Variants in IL23R observed in about 807,000 individuals in gnomAD.
IL23R encodes interleukin-23 receptor.
A neutral mutation model predicts 56.9 loss-of-function variants in IL23R; 34 were observed. The ratio of observed to expected loss-of-function variants is 0.60; its 90% CI spans 0.45 to 0.80. IL23R has a LOEUF of 0.80. IL23R is among the 30% of genes least tolerant of loss of function. The pLI is 0.00. For missense variants in IL23R, 635 were observed against 730.0 expected (o/e 0.87, Z 1.50); for synonymous variants, 230 against 249.2 (o/e 0.92, Z 0.73).
At chr1:67,239,822 T>C (rs1212991854) in intron 8 of IL23R, among the ~76,000 whole-genome samples, 1 of 152,168 alleles carries the variant, frequency 6.6e-6, no homozygotes, top group Non-Finnish European at 1.5e-5. Context: ...CTTTAGACAT[T>C]GTTACAGCAA....
intron 1 of IL23R, among the ~76,000 whole-genome samples, chr1:67,147,036 A>G (rs887259044): frequency 3.3e-5 from 5 of 152,144 alleles, no homozygotes; most frequent in African/African-American, 1.2e-4. Context: ...CCAAGACAGA[A>G]CATTCAGAGT....
chr1:67,218,547 C>T (rs1650025603), intron 6 of IL23R, among the ~76,000 whole-genome samples: 1 of 151,864 alleles, frequency 6.6e-6, no homozygotes, highest in Admixed American at 6.6e-5. Flanking sequence ...GGAATTCAGA[C>T]AATTGCTATC....
chr1:67,265,808 A>C, the IL23R span, among the ~76,000 whole-genome samples: 1 of 152,238 alleles, frequency 6.6e-6, no homozygotes, highest in Admixed American at 6.5e-5. Flanking sequence ...TGGGAAGCTG[A>C]AGTAGGAGGA....
intron 3 of IL23R, among the ~76,000 whole-genome samples, chr1:67,181,771 T>A (rs1647146606): frequency 6.6e-6 from 1 of 152,146 alleles, no homozygotes; most frequent in African/African-American, 2.4e-5. Context: ...GTTTTATCTA[T>A]CTTTGGTCTT....
Position 67,259,814 on chromosome 1 carries a change from A to T in IL23R, c.*686A>T, listed in dbSNP as rs181889805. The T allele has an allele frequency of 3.9e-5, 6 of 152,198 alleles. No individual in the cohort carries two copies. The highest frequency in any genetic ancestry group is 2.6e-4 in the Admixed American group (4 of 15,260). 9.4% of individuals were successfully genotyped at this position (152,198 alleles called of 1,614,324 possible). ...CCCTGTCTCTACTAAAATTACAAAA[A>T]TTAGCCGGCCATGGTGGCAGGTGCT... On this transcript the variant is annotated 3_prime_UTR_variant, in exon 11 of 11. Transcript: ENST00000347310.
chr1:67,217,851 G>A (rs1359478584), intron 6 of IL23R, among the ~76,000 whole-genome samples: 1 of 151,572 alleles, frequency 6.6e-6, no homozygotes, highest in South Asian at 2.1e-4. Flanking sequence ...TTAATGTTAA[G>A]GTTGGGTTTT....
At position 67,206,884 on chromosome 1, in the gene IL23R, CTTTTTTTT is replaced by C; in HGVS notation, c.653-12_653-5del. On this transcript the variant is annotated intron_variant, in intron 5 of 10. Transcript: ENST00000347310. Reference sequence around the variant, plus strand: ...CTAGGCAAGTTTTAAACAGCCAGGTCTTTTTTTTTTTTTTTTTTTTTCTAGTGATACCT... The same window carrying C: ...CTAGGCAAGTTTTAAACAGCCAGGTCTTTTTTTTTTTTTCTAGTGATACCT... 10 of 1,188,914 alleles carry C rather than the reference CTTTTTTTT, an allele frequency of 8.4e-6. No individual in the cohort carries two copies. In the South Asian group the frequency reaches 1.0e-4, roughly 12 times the overall value. The allele number at this position is 1,188,914 out of a possible 1,614,324, so 73.6% of individuals were successfully genotyped here.
At chr1:67,262,657 A>G (rs1653229167), downstream of IL23R, among the ~76,000 whole-genome samples, 1 of 152,188 alleles carries the variant, frequency 6.6e-6, no homozygotes, top group African/African-American at 2.4e-5. Flanking sequence ...AATTTTCTGC[A>G]GATTCTGAGG....
Position 67,228,157 on chromosome 1 carries a change from T to TCCTTCCTTCCTG in IL23R, c.955+8438_955+8439insGCCTTCCTTCCT, listed in dbSNP as rs769140598. ...CTTTCTTTCTGTCTTTCTTTTTCCTTCCTTCCTTCCTTCCTTCCTTCCTTC... is the reference window on the plus strand; with the variant it reads ...CTTTCTTTCTGTCTTTCTTTTTCCTTCCTTCCTTCCTGCCTTCCTTCCTTCCTTCCTTCCTTC... On this transcript the variant is annotated intron_variant, in intron 7 of 10. Coordinates refer to ENST00000347310, the MANE Select transcript of IL23R (RefSeq NM_144701.3). Among the ~76,000 whole-genome samples the TCCTTCCTTCCTG allele has an allele frequency of 5.0e-3, 447 of 89,570 alleles. 20 individuals are homozygous for TCCTTCCTTCCTG. Among genetic ancestry groups the TCCTTCCTTCCTG allele is most frequent in the Non-Finnish European group, 8.5e-3 (364 of 42,762 alleles). 58.8% of individuals were successfully genotyped at this position (89,570 alleles called of 152,430 possible). A position where few individuals can be genotyped will look rare whatever the true frequency, so the allele number is the denominator to read the frequency against.
Position 67,206,996 on chromosome 1 carries a change from A to G in IL23R, c.739A>G (p.Thr247Ala). Reference protein sequence around the residue: ...KTIIYWDSQTTIEKVSCEMRY... With the variant: ...KTIIYWDSQTAIEKVSCEMRY... ...CATAATTTATTGGGATAGTCAAACA[A>G]CAATTGAAAAGGTTTCCTGTGAAAT... Residue 247 changes from threonine (T) to alanine (A), a missense_variant, in exon 6 of 11, where the codon ACA becomes GCA. By Grantham distance (58) the Thr-to-Ala change is moderately conservative (BLOSUM62 0). Transcript: ENST00000347310. 2 of 1,613,872 alleles carry G rather than the reference A, an allele frequency of 1.2e-6. No homozygotes were observed. Among genetic ancestry groups the G allele is most frequent in the East Asian group, 2.2e-5 (1 of 44,848 alleles).
In IL23R at chr1:67,218,350, G is replaced by GTATA. The variant is rs1224249825; in HGVS notation, c.799-1223_799-1222insATAT. 4.3e-3 allele frequency among the ~76,000 whole-genome samples: 595 copies of GTATA among 137,280 alleles called. 5 individuals carry two copies. The highest frequency in any genetic ancestry group is 0.016 in the African/African-American group (552 of 34,128). 90.1% of individuals were successfully genotyped at this position (137,280 alleles called of 152,430 possible). A position where few individuals can be genotyped will look rare whatever the true frequency, so the allele number is the denominator to read the frequency against. On this transcript the variant is annotated intron_variant, in intron 6 of 10. Transcript: ENST00000347310. ...TATGTGTGTGTGTGTGTGTGTGTGTGTGTGTGTGTATATATATATATATGT... is the reference window on the plus strand; with the variant it reads ...TATGTGTGTGTGTGTGTGTGTGTGTGTATATGTGTGTGTATATATATATATATGT...
At chr1:67,139,648 C>G (rs1041516475) in intron 1 of IL23R, among the ~76,000 whole-genome samples, 5 of 152,180 alleles carry the variant, frequency 3.3e-5, no homozygotes, top group Non-Finnish European at 7.3e-5. Flanking sequence ...TATTTGTCCC[C>G]TCCGAAAGTC....
At chr1:67,177,861 T>G (rs2102570632) in intron 3 of IL23R, among the ~76,000 whole-genome samples, 1 of 151,240 alleles carries the variant, frequency 6.6e-6, no homozygotes, top group South Asian at 2.1e-4. Flanking sequence ...CCAACACAAT[T>G]TATTAAATAG....
At chr1:67,204,245 A>G (rs1174897695) in intron 5 of IL23R, among the ~76,000 whole-genome samples, 1 of 152,050 alleles carries the variant, frequency 6.6e-6, no homozygotes, top group African/African-American at 2.4e-5. Flanking sequence ...TTGTATTTTT[A>G]GTAGAGATGG....
chr1:67,200,723 T>C lies in IL23R; in HGVS notation c.492-14T>C, dbSNP rs1330462317. On this transcript the variant is annotated splice_polypyrimidine_tract_variant and intron_variant, in intron 4 of 10. Coordinates refer to ENST00000347310, the MANE Select transcript of IL23R (RefSeq NM_144701.3). Reference sequence around the variant, plus strand: ...TAAATACAATTTATGATCATCTTTTTTTTTTGTTTTAAGTTTAGAGACAGA... The same window carrying C: ...TAAATACAATTTATGATCATCTTTTCTTTTTGTTTTAAGTTTAGAGACAGA... 1 of 1,611,670 alleles carries C rather than the reference T, an allele frequency of 6.2e-7. No individual in the cohort carries two copies.
At chr1:67,263,002 T>A (rs547447321), downstream of IL23R, among the ~76,000 whole-genome samples, 1 of 151,914 alleles carries the variant, frequency 6.6e-6, no homozygotes, top group East Asian at 1.9e-4. Context: ...TTTTCTTACA[T>A]AAAAACCAAG....
chr1:67,142,133 T>TA lies in IL23R; in HGVS notation c.-634+2972_-634+2973insA, dbSNP rs547961797. On this transcript the variant is annotated intron_variant, in intron 1 of 10. Coordinates refer to the IL23R transcript ENST00000637002. Reference sequence around the variant, plus strand: ...ACAGGCAGTCAATTTTTAAAGGACTTCAGCTCTTTCTCTTCCTCAGGGGGA... The same window carrying TA: ...ACAGGCAGTCAATTTTTAAAGGACTTACAGCTCTTTCTCTTCCTCAGGGGGA... Among the ~76,000 whole-genome samples the TA allele has an allele frequency of 1.4e-4, 21 of 152,328 alleles. No individual in the cohort carries two copies. The South Asian group carries it at 4.1e-3, about 30-fold the overall frequency.
At chr1:67,221,339 C>T (rs1034719483) in intron 7 of IL23R, among the ~76,000 whole-genome samples, 1 of 152,112 alleles carries the variant, frequency 6.6e-6, no homozygotes. Context: ...TTATTAAGAA[C>T]ATATTCTCCT....
chr1:67,223,782 G>T (rs1036283069), intron 7 of IL23R, among the ~76,000 whole-genome samples: 1 of 152,010 alleles, frequency 6.6e-6, no homozygotes, highest in African/African-American at 2.4e-5. Context: ...GTTTATGTAT[G>T]TACTATAATT....
Sources: gnomAD v4.1 joint callset for allele counts (sites outside exome capture counted in the v4.1 genomes callset) on GRCh38, gnomAD v4.1.1 for gene constraint, MANE v1.5 for transcripts, NCBI Gene and HGNC (gene_info 2026-07-23, HGNC 2026-07-21) for gene names.